OSBPL10: variants seen among roughly 807,000 people sequenced by gnomAD.
OSBPL10 encodes the protein oxysterol binding protein like 10.
A neutral mutation model predicts 81.7 loss-of-function variants in OSBPL10; 49 were observed. That is an observed-to-expected ratio of 0.60 (90% CI 0.48 to 0.76). The LOEUF is 0.76. Among genes scored for constraint, OSBPL10 ranks in the 30% least tolerant of loss-of-function variants. The pLI is 0.00. For synonymous variants in OSBPL10, 419 were observed against 383.6 expected (o/e 1.09, Z -1.08); for missense variants, 923 against 987.8 (o/e 0.93, Z 0.88).
intron 7 of OSBPL10, among the ~76,000 whole-genome samples, chr3:31,696,026 C>T (rs1190797250): frequency 6.6e-6 from 1 of 152,150 alleles, no homozygotes; most frequent in African/African-American, 2.4e-5. Context: ...AAAACAGAGG[C>T]ACTCAGATGC....
At chr3:31,869,401 C>A (rs1225740564) in intron 3 of OSBPL10, among the ~76,000 whole-genome samples, 1 of 152,162 alleles carries the variant, frequency 6.6e-6, no homozygotes, top group Non-Finnish European at 1.5e-5. Flanking sequence ...GGGAACCCCC[C>A]ACCCCGCCAA....
At chr3:31,854,780 C>T (rs1014819120) in intron 3 of OSBPL10, among the ~76,000 whole-genome samples, 2 of 152,122 alleles carry the variant, frequency 1.3e-5, no homozygotes, top group Non-Finnish European at 2.9e-5. Flanking sequence ...AATTATTATA[C>T]GAATAAATGA....
intron 7 of OSBPL10, among the ~76,000 whole-genome samples, chr3:31,695,264 G>C (rs1453145219): frequency 6.6e-6 from 1 of 152,152 alleles, no homozygotes; most frequent in Non-Finnish European, 1.5e-5. Flanking sequence ...TAACACTGGA[G>C]TTTAGACTAA....
intron 6 of OSBPL10, among the ~76,000 whole-genome samples, chr3:31,706,865 G>A (rs1452084464): frequency 1.3e-5 from 2 of 152,064 alleles, no homozygotes; most frequent in African/African-American, 2.4e-5. Flanking sequence ...CACAGGCTTC[G>A]TTCACTCCAC....
chr3:31,879,537 C>T (rs1701565992), intron 2 of OSBPL10, 118 bp downstream of exon 2: 2 of 1,065,376 alleles, frequency 1.9e-6, no homozygotes, highest in Non-Finnish European at 2.7e-6. Context: ...ACCACAGAGT[C>T]CTCCAAACAC....
At chr3:32,059,640 A>T (rs1699740333) in intron 1 of OSBPL10, among the ~76,000 whole-genome samples, 2 of 151,860 alleles carry the variant, frequency 1.3e-5, no homozygotes, top group South Asian at 4.2e-4. Flanking sequence ...AGGCTAGGCC[A>T]GGCATGATGG....
chr3:31,763,469 T>C (rs540835629), intron 4 of OSBPL10, among the ~76,000 whole-genome samples: 2 of 152,316 alleles, frequency 1.3e-5, no homozygotes, highest in African/African-American at 4.8e-5. Context: ...CCTCTAAGTG[T>C]CCAGATATTT....
chr3:31,748,646 A>G (rs1366718736), intron 4 of OSBPL10, among the ~76,000 whole-genome samples: 20 of 151,090 alleles, frequency 1.3e-4, no homozygotes, highest in African/African-American at 4.9e-4. Flanking sequence ...TCGCTTGCAA[A>G]AAAAAAAAAA....
At chr3:31,911,642 C>T (rs1251444650) in intron 1 of OSBPL10, among the ~76,000 whole-genome samples, 1 of 151,640 alleles carries the variant, frequency 6.6e-6, no homozygotes, top group Non-Finnish European at 1.5e-5. Flanking sequence ...AAAAAAAACT[C>T]ATGTTTTAAG....
At position 31,856,068 on chromosome 3, in the gene OSBPL10, TTACACACACA is replaced by T. The variant is rs1197420643; in HGVS notation, c.537+20355_537+20364del. Among the ~76,000 whole-genome samples the T allele has an allele frequency of 1.8e-3, 211 of 116,950 alleles. 4 individuals carry two copies. The highest frequency in any genetic ancestry group is 5.2e-3 in the African/African-American group (158 of 30,442). 76.7% of individuals were successfully genotyped at this position (116,950 alleles called of 152,430 possible). ...TATGTTATATACATTTATGTTTATATTACACACACACACACACACACACACACACACACAC... is the reference window on the plus strand; with the variant it reads ...TATGTTATATACATTTATGTTTATATCACACACACACACACACACACACAC... On this transcript the variant is annotated intron_variant, in intron 3 of 11. Transcript: ENST00000396556.
chr3:31,746,476 C>T (rs1053246195), intron 5 of OSBPL10, among the ~76,000 whole-genome samples: 2 of 151,846 alleles, frequency 1.3e-5, no homozygotes, highest in Non-Finnish European at 2.9e-5. Flanking sequence ...GTTGGGAGTT[C>T]AAGACCAGCC....
chr3:31,800,577 T>C (rs1397258160), intron 4 of OSBPL10, among the ~76,000 whole-genome samples: 1 of 152,034 alleles, frequency 6.6e-6, no homozygotes, highest in Non-Finnish European at 1.5e-5. Flanking sequence ...AAAACCACAC[T>C]CTCTCACTGA....
At chr3:32,072,377 C>T (rs772328605) in intron 1 of OSBPL10, among the ~76,000 whole-genome samples, 4 of 152,160 alleles carry the variant, frequency 2.6e-5, no homozygotes, top group Non-Finnish European at 5.9e-5. Flanking sequence ...CTGTCCCTCA[C>T]GGCCAGTTTT....
At chr3:31,850,979 G>A (rs1438259266) in intron 3 of OSBPL10, among the ~76,000 whole-genome samples, 4 of 152,176 alleles carry the variant, frequency 2.6e-5, no homozygotes, top group African/African-American at 9.7e-5. Flanking sequence ...TTATTAAGAA[G>A]TAATGAGGAA....
intron 2 of OSBPL10, among the ~76,000 whole-genome samples, chr3:32,016,491 A>G (rs1699313857): frequency 6.6e-6 from 1 of 152,202 alleles, no homozygotes; most frequent in Non-Finnish European, 1.5e-5. Flanking sequence ...GATATACCTA[A>G]TGTAAACGAC....
At chr3:31,755,029 T>A (rs1697845515) in intron 4 of OSBPL10, among the ~76,000 whole-genome samples, 1 of 152,148 alleles carries the variant, frequency 6.6e-6, no homozygotes, top group South Asian at 2.1e-4. Context: ...ACAATCTCAT[T>A]TCAGAGCCAT....
intron 4 of OSBPL10, chr3:31,795,581 C>T (rs1283036611): frequency 5.3e-6 from 1 of 190,174 alleles, no homozygotes; most frequent in South Asian, 1.4e-4. Context: ...TGAATTCACA[C>T]TGGAAAAAGA....
intron 6 of OSBPL10, among the ~76,000 whole-genome samples, chr3:31,731,899 C>CAA (rs1320607764): frequency 6.6e-6 from 1 of 151,960 alleles, no homozygotes; most frequent in African/African-American, 2.4e-5. Flanking sequence ...GACCTGGCCT[C>CAA]AAACCTTGGG....
At chr3:31,729,349 G>T (rs1169925796) in intron 6 of OSBPL10, among the ~76,000 whole-genome samples, 1 of 152,130 alleles carries the variant, frequency 6.6e-6, no homozygotes, top group Non-Finnish European at 1.5e-5. Context: ...AGTCAGAAAG[G>T]AATTTGATAT....
Sources: allele counts gnomAD v4.1 joint callset (sites outside exome capture counted in the v4.1 genomes callset), GRCh38; gene constraint gnomAD v4.1.1; transcripts MANE v1.5; gene names NCBI Gene and HGNC (gene_info 2026-07-23, HGNC 2026-07-21).